NBAS: variants seen among roughly 807,000 people sequenced by gnomAD.
NBAS encodes NBAS subunit of NRZ tethering complex.
A neutral mutation model predicts 302.5 loss-of-function variants in NBAS; 219 were observed. The ratio of observed to expected loss-of-function variants is 0.72; its 90% CI spans 0.65 to 0.81. The LOEUF (loss-of-function observed/expected upper bound fraction) is 0.81. NBAS is among the 30% of genes least tolerant of loss of function. The probability of loss-of-function intolerance (pLI) is 0.00; values close to 1 mark genes in which losing one functional copy is unlikely to be tolerated. For synonymous variants in NBAS, 1,118 were observed against 1,021.6 expected (o/e 1.09, Z -1.80); for missense variants, 2,932 against 2,841.6 (o/e 1.03, Z -0.72).
chr2:15,382,672 T>C (rs979459932), intron 29 of NBAS, among the ~76,000 whole-genome samples: 2 of 152,128 alleles, frequency 1.3e-5, no homozygotes, highest in African/African-American at 4.8e-5. Flanking sequence ...GTGACAAAAG[T>C]GGAAGAGGTG....
chr2:15,352,522 C>A (rs78609163), intron 34 of NBAS, among the ~76,000 whole-genome samples: 3 of 152,110 alleles, frequency 2.0e-5, no homozygotes, highest in Non-Finnish European at 4.4e-5. Context: ...AGGACAAGTG[C>A]GGGTTTTGAC....
At chr2:14,867,740 T>C in the NBAS span, among the ~76,000 whole-genome samples, 3 of 152,256 alleles carry the variant, frequency 2.0e-5, no homozygotes, top group Non-Finnish European at 4.4e-5. Flanking sequence ...TCTTTTGTTG[T>C]GGTTTATTTG....
At chr2:15,132,130 GT>G in the NBAS span, among the ~76,000 whole-genome samples, 1 of 152,208 alleles carries the variant, frequency 6.6e-6, no homozygotes, top group African/African-American at 2.4e-5. Context: ...GCACATGAAT[GT>G]TTATAGCAGC....
At chr2:15,154,841 TC>T in the NBAS span, among the ~76,000 whole-genome samples, 1 of 151,908 alleles carries the variant, frequency 6.6e-6, no homozygotes, top group Non-Finnish European at 1.5e-5. Flanking sequence ...CAATCCAACC[TC>T]CCCAGCCATG....
chr2:15,558,755 A>G, intron 1 of NBAS, 121 bp from the exon 2 acceptor site: 1 of 789,748 alleles, frequency 1.3e-6, no homozygotes, highest in East Asian at 2.7e-5. Flanking sequence ...GGCACAGGGA[A>G]GCAGTGTCTT....
At chr2:15,325,243 T>A (rs1206173738) in intron 38 of NBAS, among the ~76,000 whole-genome samples, 1 of 152,216 alleles carries the variant, frequency 6.6e-6, no homozygotes, top group Non-Finnish European at 1.5e-5. Flanking sequence ...AATATTGCAA[T>A]AAACTGTATC....
At chr2:15,455,486 T>C (rs1487975622) in intron 21 of NBAS, among the ~76,000 whole-genome samples, 3 of 152,102 alleles carry the variant, frequency 2.0e-5, no homozygotes, top group Non-Finnish European at 4.4e-5. Flanking sequence ...AACTGTTCTG[T>C]GTACATATTC....
At chr2:14,819,213 T>G in the NBAS span, among the ~76,000 whole-genome samples, 1 of 152,232 alleles carries the variant, frequency 6.6e-6, no homozygotes, top group African/African-American at 2.4e-5. Flanking sequence ...TATTAGCTGC[T>G]CGGAACATGT....
At chr2:15,065,985 T>C in the NBAS span, among the ~76,000 whole-genome samples, 2 of 152,168 alleles carry the variant, frequency 1.3e-5, no homozygotes, top group Non-Finnish European at 2.9e-5. Context: ...CAAAATATAT[T>C]ACAAAGTTAT....
intron 12 of NBAS, among the ~76,000 whole-genome samples, chr2:15,485,584 T>C (rs1222133984): frequency 6.6e-6 from 1 of 152,194 alleles, no homozygotes; most frequent in Non-Finnish European, 1.5e-5. Flanking sequence ...TAGGACAAAG[T>C]GCTCAATAAA....
At chr2:14,868,297 G>A in the NBAS span, among the ~76,000 whole-genome samples, 1 of 152,036 alleles carries the variant, frequency 6.6e-6, no homozygotes, top group Non-Finnish European at 1.5e-5. Context: ...GCTGCTTCGG[G>A]GCACCTTGAT....
At chr2:14,959,126 C>T in the NBAS span, among the ~76,000 whole-genome samples, 1 of 152,192 alleles carries the variant, frequency 6.6e-6, no homozygotes, top group Non-Finnish European at 1.5e-5. Context: ...TACTCCACCA[C>T]CACCAGTTGG....
rs552283895 is a variant in NBAS, at chr2:15,443,510, A to G, written c.2340-15716T>C. ...TATTGATGGGACGTATCTCAAAATA[A>G]TAAGAGCTATCTATGACAAACCCAC... On this transcript the variant is annotated intron_variant, in intron 21 of 51. Coordinates refer to ENST00000281513, the MANE Select transcript of NBAS (RefSeq NM_015909.4). Among the ~76,000 whole-genome samples, 16 of 151,836 alleles carry G rather than the reference A, an allele frequency of 1.1e-4. 1 individual carries two copies. The South Asian group carries it at 1.5e-3, about 14-fold the overall frequency.
chr2:14,980,706 C>T, the NBAS span, among the ~76,000 whole-genome samples: 2 of 151,890 alleles, frequency 1.3e-5, no homozygotes, highest in African/African-American at 2.4e-5. Flanking sequence ...TGGACTCTCA[C>T]GTGAAATGGA....
chr2:15,357,088 T>A lies in NBAS; in HGVS notation c.3818-672A>T, dbSNP rs1673655840. Among the ~76,000 whole-genome samples the A allele has an allele frequency of 2.0e-5, 3 of 152,160 alleles. No homozygotes were observed. In the South Asian group the frequency reaches 6.2e-4, roughly 32 times the overall value. Reference sequence around the variant, plus strand: ...CCCCACCACCAACCCCCAGATGTTATCTGGCACCCTAGCCAGCCCTCAGGC... The same window carrying A: ...CCCCACCACCAACCCCCAGATGTTAACTGGCACCCTAGCCAGCCCTCAGGC... On this transcript the variant is annotated intron_variant, in intron 32 of 51. Coordinates refer to ENST00000281513, the MANE Select transcript of NBAS (RefSeq NM_015909.4).
intron 9 of NBAS, among the ~76,000 whole-genome samples, chr2:15,517,497 T>C (rs1662455300): frequency 6.6e-6 from 1 of 152,174 alleles, no homozygotes. Context: ...ATTTTGTTTG[T>C]ATTATTGTCT....
At position 15,424,341 on chromosome 2, in the gene NBAS, C is replaced by T. The variant is rs1353768393; in HGVS notation, c.2551G>A (p.Glu851Lys). 6.2e-7 allele frequency: 1 copy of T among 1,614,122 alleles called. No homozygotes were observed. Among genetic ancestry groups the T allele is most frequent in the East Asian group, 2.2e-5 (1 of 44,884 alleles). Residue 851 changes from glutamate (E) to lysine (K), a missense_variant, in exon 23 of 52, where the codon GAG becomes AAG. Transcript: ENST00000281513. ...TGCCGAGCATAATGCTCTATTTCCT[C>T]TGCTCTGGTCTGATACCAGTCCATA... The part of the protein sequence containing the change: ...KVMDWYQTRA[E>K]EIEHYARQVD...
At chr2:15,458,849 C>CT (rs1679373658) in intron 21 of NBAS, among the ~76,000 whole-genome samples, 1 of 140,378 alleles carries the variant, frequency 7.1e-6, no homozygotes, top group African/African-American at 2.7e-5. Context: ...TAAAAAAACT[C>CT]TATTTTTTCC....
At chr2:15,383,462 T>A in intron 28 of NBAS, 145 bp from the exon 29 acceptor site, 1 of 705,572 alleles carries the variant, frequency 1.4e-6, no homozygotes, top group Non-Finnish European at 2.5e-6. Flanking sequence ...AAAGAATATA[T>A]CTCCTTTAAA....
Sources: allele counts gnomAD v4.1 joint callset (sites outside exome capture counted in the v4.1 genomes callset), GRCh38; gene constraint gnomAD v4.1.1; transcripts MANE v1.5; gene names NCBI Gene and HGNC (gene_info 2026-07-23, HGNC 2026-07-21).